PTPRT: variants seen among roughly 807,000 people sequenced by gnomAD.
PTPRT encodes the protein receptor-type tyrosine-protein phosphatase T.
Under a neutral mutation model 176.8 loss-of-function variants are expected in PTPRT, and 56 were observed. That is an observed-to-expected ratio of 0.32 (90% CI 0.26 to 0.40). The LOEUF (loss-of-function observed/expected upper bound fraction) is 0.40, where lower values mean the gene tolerates loss of function less well. Ranked by LOEUF, PTPRT falls within the 10% of genes least tolerant of loss-of-function variation. The pLI is 1.00. For synonymous variants in PTPRT, 783 were observed against 739.0 expected, an observed-to-expected ratio of 1.06 and a Z score of -0.96; for missense variants, 1,540 against 1,908.2, an observed-to-expected ratio of 0.81 and a Z score of 3.60.
chr20:42,681,940 CATG>C (rs1304487124), intron 6 of PTPRT, among the ~76,000 whole-genome samples: 3 of 152,158 alleles, frequency 2.0e-5, no homozygotes, highest in Non-Finnish European at 4.4e-5. Context: ...TAAAAGAATG[CATG>C]ATGACCCCAC....
At chr20:43,177,132 G>A (rs989407649) in intron 1 of PTPRT, among the ~76,000 whole-genome samples, 1 of 152,196 alleles carries the variant, frequency 6.6e-6, no homozygotes, top group Non-Finnish European at 1.5e-5. Context: ...CAGACATGAA[G>A]AGCCCACCAC....
At chr20:42,642,074 T>A (rs1325977666) in intron 7 of PTPRT, among the ~76,000 whole-genome samples, 1 of 152,144 alleles carries the variant, frequency 6.6e-6, no homozygotes, top group Non-Finnish European at 1.5e-5. Context: ...GCAGTGTGCC[T>A]GTCCAGATAA....
At chr20:42,221,508 AC>A (rs2055885132) in intron 15 of PTPRT, among the ~76,000 whole-genome samples, 1 of 150,780 alleles carries the variant, frequency 6.6e-6, no homozygotes, top group Non-Finnish European at 1.5e-5. Context: ...CAGGAGAGAG[AC>A]AGCATGCAAG....
intron 8 of PTPRT, among the ~76,000 whole-genome samples, chr20:42,467,450 A>G (rs905204521): frequency 2.0e-5 from 3 of 152,210 alleles, no homozygotes; most frequent in African/African-American, 7.2e-5. Flanking sequence ...GGTTTTGCCA[A>G]AGATATACGG....
chr20:42,704,964 G>A (rs2076030074), intron 6 of PTPRT, among the ~76,000 whole-genome samples: 1 of 152,092 alleles, frequency 6.6e-6, no homozygotes. Flanking sequence ...CCAGCACTTT[G>A]GGAGATTGAG....
intron 7 of PTPRT, among the ~76,000 whole-genome samples, chr20:42,530,771 G>A (rs998205151): frequency 1.3e-5 from 2 of 152,220 alleles, no homozygotes; most frequent in Non-Finnish European, 2.9e-5. Flanking sequence ...CAGGCATCCA[G>A]CTTTGCAGTA....
chr20:42,960,864 G>C (rs1410227810), intron 1 of PTPRT, among the ~76,000 whole-genome samples: 8 of 152,160 alleles, frequency 5.3e-5, no homozygotes, highest in Non-Finnish European at 1.5e-5. Flanking sequence ...AGGTATAGCT[G>C]TTCCCATTTG....
intron 2 of PTPRT, among the ~76,000 whole-genome samples, chr20:42,855,821 T>C (rs2078553955): frequency 6.6e-6 from 1 of 152,120 alleles, no homozygotes; most frequent in Non-Finnish European, 1.5e-5. Flanking sequence ...AGCTCCTAAT[T>C]TGAAGAGAAC....
intron 7 of PTPRT, among the ~76,000 whole-genome samples, chr20:42,513,198 T>TGGGG (rs1431429599): frequency 8.0e-6 from 1 of 125,550 alleles, no homozygotes; most frequent in Non-Finnish European, 1.6e-5. Context: ...TCTCTATTGA[T>TGGGG]GGGGTGTGTG....
At chr20:43,010,006 T>A (rs1418127257) in intron 1 of PTPRT, among the ~76,000 whole-genome samples, 2 of 152,084 alleles carry the variant, frequency 1.3e-5, no homozygotes, top group African/African-American at 4.8e-5. Context: ...AACCAGCTCT[T>A]CCTTCTTAGT....
intron 1 of PTPRT, among the ~76,000 whole-genome samples, chr20:43,147,295 T>C (rs1215654055): frequency 7.9e-5 from 12 of 152,132 alleles, no homozygotes; most frequent in Admixed American, 7.9e-4. Context: ...CATGCCTCAG[T>C]TTCCTCATCA....
At chr20:42,809,659 C>A (rs1212009370) in intron 2 of PTPRT, among the ~76,000 whole-genome samples, 1 of 152,096 alleles carries the variant, frequency 6.6e-6, no homozygotes, top group East Asian at 1.9e-4. Context: ...CTCTTGCAGC[C>A]CGTGGTGGTG....
chr20:42,251,848 G>C (rs566671882), intron 13 of PTPRT, among the ~76,000 whole-genome samples: 4 of 152,140 alleles, frequency 2.6e-5, no homozygotes, highest in Non-Finnish European at 5.9e-5. Flanking sequence ...AATGAGGGCT[G>C]TTGTTCTTTA....
intron 2 of PTPRT, among the ~76,000 whole-genome samples, chr20:42,831,073 CA>C (rs2078076339): frequency 6.6e-6 from 1 of 152,126 alleles, no homozygotes; most frequent in Non-Finnish European, 1.5e-5. Flanking sequence ...ATAGCGAAGG[CA>C]ATTCTAAGCA....
intron 6 of PTPRT, among the ~76,000 whole-genome samples, chr20:42,710,424 T>C (rs1029777111): frequency 6.6e-6 from 1 of 152,218 alleles, no homozygotes; most frequent in Non-Finnish European, 1.5e-5. Context: ...TCCTGGCTGC[T>C]CCAGCTCCCA....
intron 6 of PTPRT, among the ~76,000 whole-genome samples, chr20:42,727,825 C>T (rs777582427): frequency 1.3e-5 from 2 of 152,148 alleles, no homozygotes; most frequent in African/African-American, 2.4e-5. Context: ...ACAAGTCCAA[C>T]GTTCTTAGCT....
chr20:42,806,628 G>T (rs550343929), intron 2 of PTPRT, among the ~76,000 whole-genome samples: 100 of 152,158 alleles, frequency 6.6e-4, no homozygotes, highest in Non-Finnish European at 1.3e-3. Context: ...TTAGCAGGCC[G>T]AAAAGTTTTT....
chr20:42,475,219 C>A (rs1462227752), intron 7 of PTPRT, among the ~76,000 whole-genome samples: 1 of 152,130 alleles, frequency 6.6e-6, no homozygotes, highest in African/African-American at 2.4e-5. Flanking sequence ...AGATGAATAA[C>A]CTGAGGTCCA....
chr20:42,259,938 T>C (rs1340013080), intron 13 of PTPRT, among the ~76,000 whole-genome samples: 1 of 152,238 alleles, frequency 6.6e-6, no homozygotes, highest in East Asian at 1.9e-4. Context: ...ACCCTTGGCT[T>C]CATAGGAATA....
Sources: allele counts gnomAD v4.1 joint callset (sites outside exome capture counted in the v4.1 genomes callset), GRCh38; gene constraint gnomAD v4.1.1; transcripts MANE v1.5; gene names NCBI Gene and HGNC (gene_info 2026-07-23, HGNC 2026-07-21).